ANKRD27: variants seen among roughly 807,000 people sequenced by gnomAD.
ANKRD27 encodes ankyrin repeat domain 27.
ANKRD27 carries 112 observed loss-of-function variants against 129.7 expected under a neutral mutation model. That is an observed-to-expected ratio of 0.86 (90% CI 0.74 to 1.01). ANKRD27 has a LOEUF of 1.01. Ranked by LOEUF, ANKRD27 falls within the 50% of genes least tolerant of loss-of-function variation. The pLI, the probability that ANKRD27 is intolerant of heterozygous loss-of-function variation, is 0.00. For missense variants in ANKRD27, 1,258 were observed against 1,300.5 expected (o/e 0.97, Z 0.50); for synonymous variants, 516 against 511.2 (o/e 1.01, Z -0.13).
At chr19:32,663,482 C>T (rs980776128) in intron 1 of ANKRD27, among the ~76,000 whole-genome samples, 1 of 152,212 alleles carries the variant, frequency 6.6e-6, no homozygotes, top group Non-Finnish European at 1.5e-5. Flanking sequence ...TTTAGGTCTT[C>T]AATCCATCTG....
chr19:32,673,165 C>T (rs1229466258), intron 1 of ANKRD27: 1 of 386,924 alleles, frequency 2.6e-6, no homozygotes, highest in Non-Finnish European at 3.5e-6. Context: ...GACACCTCTG[C>T]CTGCCCTCCC....
intron 1 of ANKRD27, among the ~76,000 whole-genome samples, chr19:32,668,573 G>T (rs259274): frequency 6.6e-6 from 1 of 151,624 alleles, no homozygotes; most frequent in Non-Finnish European, 1.5e-5. Flanking sequence ...CCTGGGCTGA[G>T]GTGATCCTCC....
chr19:32,654,263 C>T (rs1170816498), intron 2 of ANKRD27, among the ~76,000 whole-genome samples: 1 of 152,112 alleles, frequency 6.6e-6, no homozygotes, highest in South Asian at 2.1e-4. Flanking sequence ...ATCTCCAGGG[C>T]AGACTCAAGG....
At chr19:32,628,235 G>T in intron 14 of ANKRD27, 70 bp from the exon 15 acceptor site, 1 of 1,339,038 alleles carries the variant, frequency 7.5e-7, no homozygotes, top group South Asian at 1.2e-5. Context: ...TGACCAGGTA[G>T]ATAGGCAGGT....
intron 3 of ANKRD27, among the ~76,000 whole-genome samples, chr19:32,648,157 T>C (rs1359734577): frequency 6.6e-6 from 1 of 151,786 alleles, no homozygotes; most frequent in African/African-American, 2.4e-5. Flanking sequence ...TCCCAGACAC[T>C]CAGGAGGCTG....
At chr19:32,654,207 G>A (rs1568416895) in intron 2 of ANKRD27, among the ~76,000 whole-genome samples, 1 of 152,044 alleles carries the variant, frequency 6.6e-6, no homozygotes, top group Non-Finnish European at 1.5e-5. Flanking sequence ...GCCAAGACAT[G>A]TTTTTAAGTG....
In ANKRD27 at chr19:32,644,454, G is replaced by C. The variant is rs1365493407; in HGVS notation, c.396C>G (p.Pro132=). The C allele has an allele frequency of 6.2e-7, 1 of 1,613,864 alleles. No homozygotes were observed. Among genetic ancestry groups the C allele is most frequent in the Non-Finnish European group, 8.5e-7 (1 of 1,179,850 alleles). Residue 132 remains proline, a synonymous_variant, in exon 5 of 29, where the codon CCC becomes CCG. Transcript: ENST00000306065. The part of the protein sequence containing the change: ...SSEEPLAPSD[P]FSLKTIEDVR... ...CATCTTCAATGGTTTTCAGGGAAAA[G>C]GGATCTGAGGGTGCCAAAGGCTCTT...
chr19:32,654,676 T>TA (rs1313856525), intron 2 of ANKRD27, among the ~76,000 whole-genome samples: 2 of 152,178 alleles, frequency 1.3e-5, no homozygotes, highest in African/African-American at 2.4e-5. Context: ...TCTTTTTTTT[T>TA]AGAGATGGTG....
intron 13 of ANKRD27, 136 bp from the exon 14 acceptor site, chr19:32,628,985 A>T: frequency 1.2e-6 from 1 of 852,824 alleles, no homozygotes; most frequent in Non-Finnish European, 1.7e-6. Context: ...CAATGGTGTG[A>T]TCTCAGCTCA....
Position 32,605,824 on chromosome 19 carries a change from G to A in ANKRD27, c.2493+11C>T, listed in dbSNP as rs1187090835. On this transcript the variant is annotated intron_variant, in intron 24 of 28. Transcript: ENST00000306065. ...CAGGTGTGTAGAATGAGGACAGGAA[G>A]GGGCCCTCACCTGTAGCAGCAGTGC... The A allele has an allele frequency of 1.1e-5, 18 of 1,612,214 alleles. No homozygotes were observed. The highest frequency in any genetic ancestry group is 1.4e-5 in the Non-Finnish European group (16 of 1,179,322).
chr19:32,621,557 A>G (rs1972010297), intron 18 of ANKRD27, among the ~76,000 whole-genome samples: 2 of 152,074 alleles, frequency 1.3e-5, no homozygotes, highest in Non-Finnish European at 2.9e-5. Flanking sequence ...GAACCTAGGA[A>G]GTGGAGGTTG....
At chr19:32,665,425 GA>G (rs1967732635) in intron 1 of ANKRD27, among the ~76,000 whole-genome samples, 1 of 150,958 alleles carries the variant, frequency 6.6e-6, no homozygotes, top group African/African-American at 2.4e-5. Context: ...AAGTAGCTGG[GA>G]TTACAGGCAC....
intron 1 of ANKRD27, among the ~76,000 whole-genome samples, chr19:32,665,980 C>T (rs1344375103): frequency 6.6e-6 from 1 of 152,046 alleles, no homozygotes; most frequent in Non-Finnish European, 1.5e-5. Flanking sequence ...GTTGGCCAGG[C>T]TGGTCTTGAA....
intron 1 of ANKRD27, among the ~76,000 whole-genome samples, chr19:32,671,371 A>C (rs2065722847): frequency 6.6e-6 from 1 of 152,152 alleles, no homozygotes; most frequent in African/African-American, 2.4e-5. Flanking sequence ...GCTTAAAAAA[A>C]CAGTTTTATA....
intron 15 of ANKRD27, 63 bp from the exon 16 acceptor site, chr19:32,626,890 G>A: frequency 8.7e-7 from 1 of 1,150,690 alleles, no homozygotes; most frequent in Non-Finnish European, 1.3e-6. Flanking sequence ...CACCTTAACT[G>A]TAAAACCACA....
rs544052226 is a variant in ANKRD27, at chr19:32,675,085, C to G, written c.-45G>C. On this transcript the variant is annotated 5_prime_UTR_variant, in exon 1 of 29. Transcript: ENST00000306065. ...AGGACACTTACTTAAAAGGCTACAT[C>G]GCTTCATTCCCAGCCCATCCTGGGC... 6.6e-6 allele frequency: 1 copy of G among 152,354 alleles called. No individual in the cohort carries two copies. The highest frequency in any genetic ancestry group is 1.9e-4 in the East Asian group (1 of 5,164). 9.4% of individuals were successfully genotyped at this position (152,354 alleles called of 1,614,324 possible).
chr19:32,600,444 G>A (rs986161742), intron 26 of ANKRD27, among the ~76,000 whole-genome samples: 5 of 152,162 alleles, frequency 3.3e-5, no homozygotes, highest in African/African-American at 1.2e-4. Flanking sequence ...AAGAGGCTGA[G>A]GCAGGAGACT....
At chr19:32,642,964 G>T in intron 9 of ANKRD27, 159 bp downstream of exon 9, 1 of 714,172 alleles carries the variant, frequency 1.4e-6, no homozygotes, top group Non-Finnish European at 2.4e-6. Context: ...CACCTATAAA[G>T]GGCAGCCCTT....
At chr19:32,658,828 C>G in intron 2 of ANKRD27, 86 bp downstream of exon 2, 1 of 1,176,282 alleles carries the variant, frequency 8.5e-7, no homozygotes, top group Non-Finnish European at 1.3e-6. Context: ...GAGTTTATAA[C>G]AAACTCCCTC....
Sources: allele counts gnomAD v4.1 joint callset (sites outside exome capture counted in the v4.1 genomes callset), GRCh38; gene constraint gnomAD v4.1.1; transcripts MANE v1.5; gene names NCBI Gene and HGNC (gene_info 2026-07-23, HGNC 2026-07-21).